RGS22: variants seen among roughly 807,000 people sequenced by gnomAD.
RGS22 encodes regulator of G-protein signaling 22.
RGS22 carries 148 observed loss-of-function variants against 172.9 expected under a neutral mutation model. The observed-to-expected ratio is 0.86, with a 90% confidence interval of 0.75 to 0.98. RGS22 has a LOEUF of 0.98. RGS22 is among the 50% of genes least tolerant of loss of function. RGS22 has a pLI of 0.00. For synonymous variants in RGS22, 458 were observed against 480.2 expected (o/e 0.95, Z 0.60); for missense variants, 1,347 against 1,440.8 (o/e 0.93, Z 1.05).
intron 7 of RGS22, among the ~76,000 whole-genome samples, chr8:100,064,529 T>C (rs1036290212): frequency 1.3e-5 from 2 of 151,696 alleles, no homozygotes; most frequent in African/African-American, 2.4e-5. Flanking sequence ...TTGGAACCAG[T>C]AGAAAAAAAC....
chr8:100,000,083 C>A (rs1378483682), intron 18 of RGS22, among the ~76,000 whole-genome samples: 1 of 152,076 alleles, frequency 6.6e-6, no homozygotes, highest in African/African-American at 2.4e-5. Context: ...AACACAACTT[C>A]TTTGTGATCT....
intron 14 of RGS22, among the ~76,000 whole-genome samples, chr8:100,038,166 C>G (rs1819702091): frequency 6.6e-6 from 1 of 152,134 alleles, no homozygotes; most frequent in Admixed American, 6.6e-5. Context: ...GTGATTAGCA[C>G]TTTTCTAGGC....
chr8:100,070,872 C>CAA (rs112307199), intron 6 of RGS22, among the ~76,000 whole-genome samples: 3 of 114,536 alleles, frequency 2.6e-5, no homozygotes, highest in African/African-American at 1.0e-4. Context: ...AGGTGAATAC[C>CAA]AAAAAAAAAA....
chr8:100,093,419 A>ATC, intron 3 of RGS22, 28 bp downstream of exon 3: 2 of 1,380,186 alleles, frequency 1.4e-6, no homozygotes, highest in Non-Finnish European at 2.0e-6. Flanking sequence ...GATAATATAT[A>ATC]TTCAATAGAT....
intron 14 of RGS22, among the ~76,000 whole-genome samples, chr8:100,024,954 G>C (rs1381109248): frequency 6.6e-6 from 1 of 152,016 alleles, no homozygotes; most frequent in East Asian, 1.9e-4. Flanking sequence ...GTGTTTCAGA[G>C]AAGTTCAGGT....
intron 2 of RGS22, among the ~76,000 whole-genome samples, chr8:100,095,964 C>A (rs1812934689): frequency 6.6e-6 from 1 of 152,226 alleles, no homozygotes; most frequent in African/African-American, 2.4e-5. Context: ...CATCTGGCAC[C>A]TGAGTGGAAA....
At chr8:100,044,705 G>T (rs2131625017) in intron 11 of RGS22, among the ~76,000 whole-genome samples, 1 of 133,856 alleles carries the variant, frequency 7.5e-6, no homozygotes, top group South Asian at 2.4e-4. Context: ...TGTAAACCTT[G>T]ATAACTTAGT....
At chr8:100,094,717 C>T (rs944475297) in intron 2 of RGS22, among the ~76,000 whole-genome samples, 8 of 152,154 alleles carry the variant, frequency 5.3e-5, no homozygotes, top group African/African-American at 1.9e-4. Context: ...AGGCAGATAT[C>T]CTTTTGGGGG....
chr8:100,082,365 C>T (rs1187763936), intron 3 of RGS22, among the ~76,000 whole-genome samples: 3 of 152,180 alleles, frequency 2.0e-5, no homozygotes, highest in Non-Finnish European at 4.4e-5. Context: ...TTTCAATCTT[C>T]ACCCTCCCTC....
intron 6 of RGS22, among the ~76,000 whole-genome samples, chr8:100,070,042 A>AC (rs1438837790): frequency 6.7e-6 from 1 of 149,998 alleles, no homozygotes; most frequent in African/African-American, 2.4e-5. Flanking sequence ...AAAAAAAAAA[A>AC]AAAAAACAAA....
chr8:100,001,097 C>A (rs1348031957), intron 18 of RGS22, among the ~76,000 whole-genome samples: 1 of 150,180 alleles, frequency 6.7e-6, no homozygotes, highest in East Asian at 1.9e-4. Context: ...AAACTTCAAG[C>A]TAAATAAATT....
Position 99,981,957 on chromosome 8 carries a change from A to AT in RGS22, c.3339dup (p.Tyr1114IlefsTer4). On this transcript the variant is annotated frameshift_variant, in exon 22 of 28. Coordinates refer to ENST00000360863, the MANE Select transcript of RGS22 (RefSeq NM_015668.5). LOFTEE classifies it high-confidence loss of function. ...CTTACCTGTGCCTCTCTAAATACAT[A>AT]TGGTCCTAACTCCTTCCGGTGTTCA... 1 of 1,612,208 alleles carries AT rather than the reference A, an allele frequency of 6.2e-7. No homozygotes were observed. The highest frequency in any genetic ancestry group is 8.5e-7 in the Non-Finnish European group (1 of 1,179,202).
At chr8:100,005,561 CT>C (rs1563604333) in intron 16 of RGS22, among the ~76,000 whole-genome samples, 1 of 152,144 alleles carries the variant, frequency 6.6e-6, no homozygotes, top group African/African-American at 2.4e-5. Context: ...ATCCTATGAT[CT>C]TTTTACCGTC....
chr8:100,071,169 T>A (rs1294347392), intron 6 of RGS22, among the ~76,000 whole-genome samples, 200 bp downstream of exon 6: 2 of 151,998 alleles, frequency 1.3e-5, no homozygotes, highest in African/African-American at 4.8e-5. Flanking sequence ...ATGCCTGTAG[T>A]CCCAGCTACT....
intron 22 of RGS22, among the ~76,000 whole-genome samples, chr8:99,981,618 T>C (rs989723094): frequency 6.6e-6 from 1 of 152,006 alleles, no homozygotes; most frequent in African/African-American, 2.4e-5. Context: ...TTAAATTAAA[T>C]AGAATAAGTC....
chr8:99,978,042 G>T lies in RGS22; in HGVS notation c.3394C>A (p.Pro1132Thr). The change falls in exon 23 of 28, where the codon CCT (proline) becomes ACT (threonine). Residue 1132 changes from proline to threonine, a missense_variant. Physicochemically the swap from Pro to Thr is conservative, Grantham distance 38 (BLOSUM62 -1). Transcript: ENST00000360863. Reference protein sequence around the residue: ...TIFGVLFKFWPQFCEFRKNLT... With the variant: ...TIFGVLFKFWTQFCEFRKNLT... The stretch of plus-strand genomic sequence containing the variant: ...TTCTTCCTAAACTCACAGAACTGAG[G>T]CCAGAATTTAAACAGAACCCCAAAA... The T allele has an allele frequency of 6.5e-7, 1 of 1,527,018 alleles. No individual in the cohort carries two copies. 94.6% of individuals were successfully genotyped at this position (1,527,018 alleles called of 1,614,324 possible). A position where few individuals can be genotyped will look rare whatever the true frequency, so the allele number is the denominator to read the frequency against.
At chr8:100,094,227 T>C (rs1812795817) in intron 2 of RGS22, among the ~76,000 whole-genome samples, 1 of 152,220 alleles carries the variant, frequency 6.6e-6, no homozygotes, top group African/African-American at 2.4e-5. Flanking sequence ...TAGCAATTGT[T>C]TCCATTATGT....
At chr8:100,040,145 C>T in intron 12 of RGS22, 58 bp from the exon 13 acceptor site, 3 of 1,460,480 alleles carry the variant, frequency 2.1e-6, no homozygotes, top group South Asian at 1.3e-5. Flanking sequence ...TTTTTTATGG[C>T]ATTACACAAC....
chr8:100,086,080 G>A (rs1168818475), intron 3 of RGS22, among the ~76,000 whole-genome samples: 2 of 152,110 alleles, frequency 1.3e-5, no homozygotes, highest in Non-Finnish European at 2.9e-5. Context: ...ATGTCAGGTA[G>A]ACAAGGGAGA....
Sources: allele counts gnomAD v4.1 joint callset (sites outside exome capture counted in the v4.1 genomes callset), GRCh38; gene constraint gnomAD v4.1.1; transcripts MANE v1.5; gene names NCBI Gene and HGNC (gene_info 2026-07-23, HGNC 2026-07-21).